Variants in RBFOX1 observed in about 807,000 individuals in gnomAD.
The protein encoded by RBFOX1 is RNA binding fox-1 homolog 1.
Under a neutral mutation model 57.7 loss-of-function variants are expected in RBFOX1, and 8 were observed. The ratio of observed to expected loss-of-function variants is 0.14; its 90% CI spans 0.08 to 0.25. RBFOX1 has a LOEUF of 0.25. RBFOX1 is among the 10% of genes least tolerant of loss of function. The pLI, the probability that RBFOX1 is intolerant of heterozygous loss-of-function variation, is 1.00. For missense variants in RBFOX1, 611 were observed against 548.5 expected (o/e 1.11, Z -1.14); for synonymous variants, 326 against 222.4 (o/e 1.47, Z -4.15).
rs376616266 is a variant in RBFOX1 at position 5,307,337 on chromosome 16, C to A, written c.219+67232C>A. 4.6e-5 allele frequency among the ~76,000 whole-genome samples: 7 copies of A among 152,174 alleles called. No individual in the cohort carries two copies. In the East Asian group the frequency reaches 9.6e-4, roughly 21 times the overall value. On this transcript the variant is annotated intron_variant, in intron 1 of 2. Transcript: ENST00000585867. Reference sequence around the variant, plus strand: ...TTGAATCTGCTTCACACCCACCTGCCCAGTATTTTCTGGACTACTGATTCT... The same window carrying A: ...TTGAATCTGCTTCACACCCACCTGCACAGTATTTTCTGGACTACTGATTCT...
chr16:6,868,263 G>A lies in RBFOX1; in HGVS notation c.-15-183794G>A, dbSNP rs142258804. On this transcript the variant is annotated intron_variant, in intron 3 of 15. Transcript: ENST00000550418. ...TCGTGGTCTGCAGCAGTGGACACAG[G>A]AAGTGGCTTATAAGAAGATGGACAC... Among the ~76,000 whole-genome samples, 237 of 152,222 alleles carry A rather than the reference G, an allele frequency of 1.6e-3. 2 individuals are homozygous for A. The highest frequency in any genetic ancestry group is 5.4e-3 in the African/African-American group (224 of 41,540).
chr16:7,556,988 A>G (rs1225808720), intron 5 of RBFOX1, among the ~76,000 whole-genome samples: 1 of 152,180 alleles, frequency 6.6e-6, no homozygotes, highest in African/African-American at 2.4e-5. Context: ...CCTCCTCCTC[A>G]TCATATGGAT....
intron 3 of RBFOX1, among the ~76,000 whole-genome samples, chr16:6,808,935 G>A (rs918899005): frequency 5.9e-5 from 9 of 152,184 alleles, no homozygotes; most frequent in African/African-American, 1.9e-4. Flanking sequence ...TATGTCCTGA[G>A]AAGGACTCTG....
intron 14 of RBFOX1, among the ~76,000 whole-genome samples, chr16:7,689,735 G>A (rs2076918881): frequency 1.3e-5 from 2 of 152,010 alleles, no homozygotes; most frequent in Non-Finnish European, 2.9e-5. Context: ...AAAAACCCAA[G>A]CAAGGATGAT....
intron 3 of RBFOX1, among the ~76,000 whole-genome samples, chr16:5,848,832 C>G (rs2056819380): frequency 1.3e-5 from 2 of 152,188 alleles, no homozygotes; most frequent in South Asian, 2.1e-4. Context: ...ACCTGTAATA[C>G]TAGCTCCTTG....
chr16:7,704,286 G>C (rs1459730387), intron 14 of RBFOX1, among the ~76,000 whole-genome samples: 3 of 152,206 alleles, frequency 2.0e-5, no homozygotes, highest in Non-Finnish European at 2.9e-5. Flanking sequence ...AGCCAGGAAA[G>C]CAGTCCTCTT....
chr16:7,071,572 C>G (rs141856429), intron 4 of RBFOX1, among the ~76,000 whole-genome samples: 57 of 144,398 alleles, frequency 3.9e-4, no homozygotes, highest in African/African-American at 1.3e-3. Flanking sequence ...GACCCCAACA[C>G]TAATTTGCCC....
chr16:6,448,764 C>T (rs1000692354), intron 2 of RBFOX1, among the ~76,000 whole-genome samples: 2 of 152,120 alleles, frequency 1.3e-5, no homozygotes, highest in African/African-American at 4.8e-5. Context: ...ATTCATCCTG[C>T]AGTATTTTTT....
At chr16:7,271,637 C>T (rs1161245032) in intron 4 of RBFOX1, among the ~76,000 whole-genome samples, 2 of 152,026 alleles carry the variant, frequency 1.3e-5, no homozygotes, top group African/African-American at 4.8e-5. Flanking sequence ...GACTACTAAC[C>T]AAGACCATCT....
intron 1 of RBFOX1, among the ~76,000 whole-genome samples, chr16:5,363,319 A>G (rs757160615): frequency 6.6e-6 from 1 of 151,798 alleles, no homozygotes; most frequent in African/African-American, 2.4e-5. Flanking sequence ...TGGTGGGATT[A>G]CAGGCATAAG....
intron 4 of RBFOX1, among the ~76,000 whole-genome samples, chr16:7,088,201 GA>G (rs952546461): frequency 3.9e-5 from 6 of 152,136 alleles, no homozygotes; most frequent in Non-Finnish European, 8.8e-5. Flanking sequence ...GGTGAATTCA[GA>G]AAAAAGGTCT....
chr16:7,233,753 T>A (rs563041324), intron 4 of RBFOX1, among the ~76,000 whole-genome samples: 56 of 152,304 alleles, frequency 3.7e-4, no homozygotes, highest in Admixed American at 1.4e-3. Flanking sequence ...ATAACAACAT[T>A]TGGGAATTTA....
intron 4 of RBFOX1, among the ~76,000 whole-genome samples, chr16:7,119,232 TA>T (rs2066575684): frequency 6.6e-6 from 1 of 152,136 alleles, no homozygotes; most frequent in African/African-American, 2.4e-5. Flanking sequence ...TACAAGGCAG[TA>T]ATTTTTTTGT....
chr16:6,515,371 C>T (rs185046927), intron 2 of RBFOX1, among the ~76,000 whole-genome samples: 1 of 152,282 alleles, frequency 6.6e-6, no homozygotes, highest in African/African-American at 2.4e-5. Flanking sequence ...CAGAAGTTCC[C>T]AGTTGAGCAT....
chr16:6,925,710 A>G (rs1289364118), intron 3 of RBFOX1, among the ~76,000 whole-genome samples: 1 of 152,068 alleles, frequency 6.6e-6, no homozygotes, highest in Non-Finnish European at 1.5e-5. Context: ...TTGGTAGTAA[A>G]TACATCAAAG....
At chr16:7,385,431 T>C (rs1382170308) in intron 4 of RBFOX1, among the ~76,000 whole-genome samples, 5 of 152,076 alleles carry the variant, frequency 3.3e-5, no homozygotes, top group Non-Finnish European at 7.4e-5. Context: ...AGGGAGTGAA[T>C]TAAAATGATT....
intron 4 of RBFOX1, among the ~76,000 whole-genome samples, chr16:7,278,018 A>G (rs576343141): frequency 1.3e-5 from 2 of 151,918 alleles, no homozygotes; most frequent in South Asian, 4.2e-4. Flanking sequence ...TCAGTTCCTT[A>G]TTGGTGGTCA....
chr16:5,803,959 A>C (rs892811343), intron 3 of RBFOX1, among the ~76,000 whole-genome samples: 2 of 151,972 alleles, frequency 1.3e-5, no homozygotes, highest in Non-Finnish European at 2.9e-5. Flanking sequence ...GCCCTTCCCT[A>C]CTTGTCAAAC....
At chr16:6,542,750 C>T (rs542369607) in intron 2 of RBFOX1, among the ~76,000 whole-genome samples, 1 of 151,734 alleles carries the variant, frequency 6.6e-6, no homozygotes, top group East Asian at 2.0e-4. Flanking sequence ...CCTCGGCCCC[C>T]AGAAGTGCTG....
Sources: allele counts gnomAD v4.1 joint callset (sites outside exome capture counted in the v4.1 genomes callset), GRCh38; gene constraint gnomAD v4.1.1; transcripts MANE v1.5; gene names NCBI Gene and HGNC (gene_info 2026-07-23, HGNC 2026-07-21).